The following VPS13A variants were observed in gnomAD, a reference collection of about 807,000 sequenced individuals.
VPS13A encodes the protein intermembrane lipid transfer protein VPS13A.
In VPS13A, 264 loss-of-function variants were observed where a neutral mutation model predicts 390.9. That is an observed-to-expected ratio of 0.68 (90% CI 0.61 to 0.75). The LOEUF is 0.75. Ranked by LOEUF, VPS13A falls within the 30% of genes least tolerant of loss-of-function variation. The probability of loss-of-function intolerance (pLI) is 0.00; values close to 1 mark genes in which losing one functional copy is unlikely to be tolerated. For missense variants in VPS13A, 3,409 were observed against 3,733.9 expected (o/e 0.91, Z 2.27); for synonymous variants, 1,231 against 1,227.1 (o/e 1.00, Z -0.07).
chr9:77,323,870 C>G (rs997291479), intron 45 of VPS13A, among the ~76,000 whole-genome samples: 1 of 145,748 alleles, frequency 6.9e-6, no homozygotes, highest in Admixed American at 6.7e-5. Flanking sequence ...TTATTACATG[C>G]AGTTACTTGT....
At chr9:77,220,558 T>G (rs954895978) in intron 12 of VPS13A, among the ~76,000 whole-genome samples, 175 bp downstream of exon 12, 3 of 152,104 alleles carry the variant, frequency 2.0e-5, no homozygotes, top group Non-Finnish European at 4.4e-5. Context: ...TTAATGAAAC[T>G]GATTTAAGGG....
chr9:77,360,198 A>G (rs1314504662), intron 58 of VPS13A, among the ~76,000 whole-genome samples: 2 of 152,096 alleles, frequency 1.3e-5, no homozygotes, highest in Non-Finnish European at 1.5e-5. Flanking sequence ...GGCCGGAAAT[A>G]GATGTTGGGA....
At chr9:77,349,517 C>A (rs1831340208) in intron 52 of VPS13A, among the ~76,000 whole-genome samples, 2 of 152,140 alleles carry the variant, frequency 1.3e-5, no homozygotes, top group African/African-American at 2.4e-5. Context: ...CCCTGCAAAG[C>A]ATGATTTTTA....
At chr9:77,205,943 G>T in intron 4 of VPS13A, 35 bp from the exon 5 acceptor site, 1 of 1,399,360 alleles carries the variant, frequency 7.1e-7, no homozygotes, top group Non-Finnish European at 9.8e-7. Context: ...TAAATTTAAG[G>T]TAGTTATGAT....
intron 22 of VPS13A, among the ~76,000 whole-genome samples, chr9:77,254,310 T>C (rs193165401): frequency 3.9e-5 from 6 of 152,338 alleles, no homozygotes; most frequent in Admixed American, 6.5e-5. Flanking sequence ...CCTTTTCTCA[T>C]TGAATGGCCT....
At chr9:77,288,504 T>C (rs1362870970) in intron 31 of VPS13A, among the ~76,000 whole-genome samples, 1 of 152,358 alleles carries the variant, frequency 6.6e-6, no homozygotes, top group East Asian at 1.9e-4. Context: ...TTCTAATTTC[T>C]CTTCTGACTT....
intron 17 of VPS13A, among the ~76,000 whole-genome samples, chr9:77,237,765 C>A (rs1824238008): frequency 6.6e-6 from 1 of 152,124 alleles, no homozygotes; most frequent in Non-Finnish European, 1.5e-5. Flanking sequence ...GATTTACTGT[C>A]ATTTTAATTT....
chr9:77,273,570 A>C (rs1173909965), intron 24 of VPS13A, among the ~76,000 whole-genome samples: 2 of 152,194 alleles, frequency 1.3e-5, no homozygotes, highest in Admixed American at 6.5e-5. Flanking sequence ...TCATGGGTAC[A>C]TGCAAGAAGC....
chr9:77,269,224 C>T (rs1174769623), intron 23 of VPS13A, among the ~76,000 whole-genome samples: 5 of 152,238 alleles, frequency 3.3e-5, no homozygotes, highest in Admixed American at 1.3e-4. Context: ...ACTTAGGTCT[C>T]TCATCCATTT....
rs1564608609 is a variant in VPS13A at position 77,177,711 on chromosome 9, T to G, written c.7T>G (p.Phe3Val). The change falls in exon 1 of 72, where the codon TTC becomes GTC. Residue 3 changes from phenylalanine to valine, a missense_variant. By Grantham distance (50) the Phe-to-Val change is conservative. Coordinates refer to ENST00000360280, the MANE Select transcript of VPS13A (RefSeq NM_033305.3). ...CCCACCACGGCTGAGGAACATGGTT[T>G]TCGAGTCGGTGGTCGTGGACGTGTT... MVFESVVVDVLNR... is the reference protein window; with the variant it reads MVVESVVVDVLNR... 1 of 1,613,300 alleles carries G rather than the reference T, an allele frequency of 6.2e-7. No individual in the cohort carries two copies. The highest frequency in any genetic ancestry group is 1.1e-5 in the South Asian group (1 of 91,076).
intron 68 of VPS13A, chr9:77,390,013 C>T (rs760773359): frequency 6.7e-6 from 6 of 900,140 alleles, no homozygotes; most frequent in Admixed American, 6.2e-5. Context: ...AGATAACTGC[C>T]GTCAGCCGAC....
chr9:77,412,984 T>A (rs1835007761), intron 71 of VPS13A, among the ~76,000 whole-genome samples: 2 of 152,232 alleles, frequency 1.3e-5, no homozygotes, highest in East Asian at 3.9e-4. Flanking sequence ...ATGAGTGAAC[T>A]CCCATTCACA....
Position 77,386,789 on chromosome 9 carries a change from A to T in VPS13A, c.9189+4702A>T, listed in dbSNP as rs570298941. The stretch of plus-strand genomic sequence containing the variant: ...GTGGCGCGATCTCGGCTGACTGCAA[A>T]CTCCACCTCCTGGGTTCACGCCATT... On this transcript the variant is annotated intron_variant, in intron 68 of 71. Coordinates refer to ENST00000360280, the MANE Select transcript of VPS13A (RefSeq NM_033305.3). 1.9e-3 allele frequency among the ~76,000 whole-genome samples: 288 copies of T among 149,836 alleles called. 1 individual carries two copies. Among genetic ancestry groups the T allele is most frequent in the African/African-American group, 6.9e-3 (280 of 40,702 alleles).
intron 1 of VPS13A, among the ~76,000 whole-genome samples, chr9:77,190,148 A>C (rs1251011256): frequency 6.6e-6 from 1 of 151,796 alleles, no homozygotes; most frequent in African/African-American, 2.4e-5. Context: ...GAATAGGAGT[A>C]AGTGGGTATC....
At chr9:77,260,632 GA>G (rs1332145750) in intron 23 of VPS13A, among the ~76,000 whole-genome samples, 1 of 152,094 alleles carries the variant, frequency 6.6e-6, no homozygotes, top group African/African-American at 2.4e-5. Flanking sequence ...TGGGCTTACA[GA>G]CGTGAGCCAC....
chr9:77,348,380 C>T (rs955283004), intron 52 of VPS13A, among the ~76,000 whole-genome samples: 2 of 152,112 alleles, frequency 1.3e-5, no homozygotes, highest in Admixed American at 6.5e-5. Context: ...AACCAAACAC[C>T]GCATGTCCCT....
rs1331380514 is a variant in VPS13A at position 77,314,598 on chromosome 9, C to T, written c.4346C>T (p.Ser1449Phe). ...ATGTATACAGATGGCTCAACATTTT[C>T]TTCCTTCTCATTAAAAAACTGTATT... ...LKMYTDGSTF[S>F]SFSLKNCILD... The change falls in exon 37 of 72, where the codon TCT (serine) becomes TTT (phenylalanine). Residue 1449 changes from serine to phenylalanine, a missense_variant. By Grantham distance (155) the Ser-to-Phe change is radical. Around this residue, in one of 5 missense-constraint regions of VPS13A, gnomAD observed 2,717 missense variants for 2,917.4 expected, o/e 0.93. Coordinates refer to ENST00000360280, the MANE Select transcript of VPS13A (RefSeq NM_033305.3). The T allele has an allele frequency of 6.2e-7, 1 of 1,611,548 alleles. No homozygotes were observed. The highest frequency in any genetic ancestry group is 1.7e-5 in the Admixed American group (1 of 59,852).
At chr9:77,322,946 GACTCT>G (rs1829826865) in intron 44 of VPS13A, 116 bp from the exon 45 acceptor site, 1 of 770,772 alleles carries the variant, frequency 1.3e-6, no homozygotes, top group Non-Finnish European at 2.0e-6. Flanking sequence ...TATATCCAAA[GACTCT>G]AGTGACTATT....
At chr9:77,183,902 C>T (rs938013120) in intron 1 of VPS13A, among the ~76,000 whole-genome samples, 1 of 152,238 alleles carries the variant, frequency 6.6e-6, no homozygotes. Context: ...TAATATTTAA[C>T]CACACATGTT....
Sources: gnomAD v4.1 joint callset for allele counts (sites outside exome capture counted in the v4.1 genomes callset) on GRCh38, gnomAD v4.1.1 for gene constraint, gnomAD v4.1.1 regional missense constraint, MANE v1.5 for transcripts, NCBI Gene and HGNC (gene_info 2026-07-23, HGNC 2026-07-21) for gene names.